Variants in NDST3 observed in about 807,000 individuals in gnomAD.
NDST3 encodes bifunctional heparan sulfate N-deacetylase/N-sulfotransferase 3.
NDST3 carries 58 observed loss-of-function variants against 96.1 expected under a neutral mutation model. That is an observed-to-expected ratio of 0.60 (90% CI 0.49 to 0.75). The LOEUF (loss-of-function observed/expected upper bound fraction) is 0.75. Ranked by LOEUF, NDST3 falls within the 30% of genes least tolerant of loss-of-function variation. The pLI is 0.00. For missense variants in NDST3, 788 were observed against 1,034.2 expected, an observed-to-expected ratio of 0.76 and a Z score of 3.27; for synonymous variants, 333 against 359.7, an observed-to-expected ratio of 0.93 and a Z score of 0.84.
intron 6 of NDST3, among the ~76,000 whole-genome samples, chr4:118,187,992 G>A (rs1336687223): frequency 6.6e-6 from 1 of 152,100 alleles, no homozygotes; most frequent in East Asian, 1.9e-4. Context: ...TCAGTCAGTG[G>A]ACCATAAAAA....
intron 2 of NDST3, among the ~76,000 whole-genome samples, chr4:118,096,123 T>C (rs1331535000): frequency 6.6e-6 from 1 of 151,930 alleles, no homozygotes; most frequent in Non-Finnish European, 1.5e-5. Flanking sequence ...TAATTCTATG[T>C]TTAACTTTTT....
At chr4:118,057,447 C>A (rs552391588) in intron 2 of NDST3, among the ~76,000 whole-genome samples, 1 of 151,976 alleles carries the variant, frequency 6.6e-6, no homozygotes, top group South Asian at 2.1e-4. Flanking sequence ...AGTGTGTGAG[C>A]TCAGCCAGGG....
chr4:118,219,521 A>G (rs1282195281), intron 6 of NDST3, among the ~76,000 whole-genome samples: 3 of 152,172 alleles, frequency 2.0e-5, no homozygotes, highest in Non-Finnish European at 4.4e-5. Flanking sequence ...CCTTCCTTAT[A>G]CCTTATACAA....
At chr4:118,142,439 A>G (rs1733637877) in intron 5 of NDST3, among the ~76,000 whole-genome samples, 1 of 151,936 alleles carries the variant, frequency 6.6e-6, no homozygotes, top group Non-Finnish European at 1.5e-5. Flanking sequence ...ACACATTCAA[A>G]CTAAAATAAA....
At chr4:118,038,983 T>A (rs542455769) in intron 1 of NDST3, among the ~76,000 whole-genome samples, 12 of 152,248 alleles carry the variant, frequency 7.9e-5, no homozygotes, top group Non-Finnish European at 7.3e-5. Context: ...TGCAATACTT[T>A]GCAGAATATA....
chr4:118,194,854 T>C, intron 6 of NDST3: 1 of 306,904 alleles, frequency 3.3e-6, no homozygotes, highest in Non-Finnish European at 6.0e-6. Flanking sequence ...CCAGGTGCTG[T>C]GGTGCTGACT....
intron 4 of NDST3, among the ~76,000 whole-genome samples, chr4:118,121,651 C>T (rs971890911): frequency 6.6e-6 from 1 of 150,836 alleles, no homozygotes; most frequent in Non-Finnish European, 1.5e-5. Context: ...GACATAGATT[C>T]AATAAGTTTT....
intron 12 of NDST3, among the ~76,000 whole-genome samples, chr4:118,251,119 A>ATTTT (rs1741689359): frequency 1.1e-5 from 1 of 94,492 alleles, no homozygotes; most frequent in Non-Finnish European, 2.4e-5. Context: ...TTTATTTATT[A>ATTTT]TTTTTATTTT....
chr4:118,227,075 A>C, intron 8 of NDST3, 93 bp downstream of exon 8: 1 of 800,690 alleles, frequency 1.2e-6, no homozygotes, highest in South Asian at 1.6e-5. Context: ...ACTTCCCATA[A>C]CTGCTAATGA....
At chr4:118,054,933 T>G in intron 2 of NDST3, 42 bp downstream of exon 2, 2 of 1,598,944 alleles carry the variant, frequency 1.3e-6, no homozygotes, top group Non-Finnish European at 1.7e-6. Context: ...CAGTTCATCT[T>G]CCAGCAGGGA....
At chr4:118,103,452 TTA>T (rs748339468) in intron 2 of NDST3, among the ~76,000 whole-genome samples, 6 of 151,692 alleles carry the variant, frequency 4.0e-5, no homozygotes, top group South Asian at 2.1e-4. Flanking sequence ...ATTGTCAGCA[TTA>T]TATATATATA....
In NDST3 at chr4:118,054,691, C is replaced by G. The variant is rs1477514809; in HGVS notation, c.781C>G (p.Leu261Val). Reference sequence around the variant, plus strand: ...TTTTTATGCCACTATTATACATGACCTGGGGCTTCATGATGGAATTCAAAG... The same window carrying G: ...TTTTTATGCCACTATTATACATGACGTGGGGCTTCATGATGGAATTCAAAG... ...GAFYATIIHD[L>V]GLHDGIQRVL... The change falls in exon 2 of 14, where the codon CTG (leucine) becomes GTG (valine). Residue 261 changes from leucine to valine, a missense_variant. Physicochemically the swap from Leu to Val is conservative, Grantham distance 32. Around this residue, in one of 3 missense-constraint regions of NDST3, gnomAD observed 490 missense variants for 708.8 expected, o/e 0.69. Coordinates refer to ENST00000296499, the MANE Select transcript of NDST3 (RefSeq NM_004784.3). 3.1e-6 allele frequency: 5 copies of G among 1,613,282 alleles called. No individual in the cohort carries two copies. The highest frequency in any genetic ancestry group is 4.2e-6 in the Non-Finnish European group (5 of 1,179,490).
Position 118,054,039 on chromosome 4 carries a change from C to T in NDST3, c.129C>T (p.Leu43=). ...LYSGYKQENE[L]SETASEVDCG... is the part of the protein sequence containing the mutation. The stretch of plus-strand genomic sequence containing the variant: ...GTGGCTACAAACAGGAAAATGAACT[C>T]TCTGAGACGGCTTCAGAAGTTGACT... Residue 43 remains leucine, a synonymous_variant, in exon 2 of 14, where the codon CTC becomes CTT. Coordinates refer to ENST00000296499, the MANE Select transcript of NDST3 (RefSeq NM_004784.3). The T allele has an allele frequency of 6.2e-7, 1 of 1,612,946 alleles. No individual in the cohort carries two copies. Among genetic ancestry groups the T allele is most frequent in the South Asian group, 1.1e-5 (1 of 91,056 alleles).
intron 6 of NDST3, among the ~76,000 whole-genome samples, chr4:118,168,398 A>T (rs1485709914): frequency 1.3e-5 from 2 of 152,052 alleles, no homozygotes; most frequent in Non-Finnish European, 2.9e-5. Context: ...TCATATATAT[A>T]AATATAAGTA....
At chr4:118,062,599 C>T (rs1362322947) in intron 2 of NDST3, among the ~76,000 whole-genome samples, 1 of 151,994 alleles carries the variant, frequency 6.6e-6, no homozygotes, top group African/African-American at 2.4e-5. Flanking sequence ...GTGCTAGCAA[C>T]TATACAACTG....
intron 12 of NDST3, among the ~76,000 whole-genome samples, chr4:118,250,160 G>A (rs1397535741): frequency 6.6e-6 from 1 of 152,180 alleles, no homozygotes; most frequent in African/African-American, 2.4e-5. Flanking sequence ...CAAAGCTACT[G>A]TGAACAGTTG....
At chr4:118,047,856 C>A (rs1372214938) in intron 1 of NDST3, among the ~76,000 whole-genome samples, 1 of 151,964 alleles carries the variant, frequency 6.6e-6, no homozygotes, top group Non-Finnish European at 1.5e-5. Context: ...GGTTGAGTTG[C>A]AAATTCAAGA....
chr4:118,110,908 G>A (rs6820061), intron 3 of NDST3, among the ~76,000 whole-genome samples: 114,478 of 151,958 alleles, frequency 0.75, 45,764 homozygotes, highest in South Asian at 0.92. Flanking sequence ...GACATGGAAT[G>A]AACCTAGGTG....
intron 6 of NDST3, among the ~76,000 whole-genome samples, chr4:118,146,468 G>A (rs573496683): frequency 1.3e-5 from 2 of 152,240 alleles, no homozygotes; most frequent in African/African-American, 4.8e-5. Context: ...ATATCAAGGT[G>A]CTATACTAAC....
Sources: allele counts gnomAD v4.1 joint callset (sites outside exome capture counted in the v4.1 genomes callset), GRCh38; gene constraint gnomAD v4.1.1; regional missense constraint gnomAD v4.1.1; transcripts MANE v1.5; gene names NCBI Gene and HGNC (gene_info 2026-07-23, HGNC 2026-07-21).